AFAP1: variants seen among roughly 807,000 people sequenced by gnomAD.
AFAP1 encodes actin filament associated protein 1.
In AFAP1, 75 loss-of-function variants were observed where a neutral mutation model predicts 93.9. The ratio of observed to expected loss-of-function variants is 0.80; its 90% CI spans 0.66 to 0.97. The LOEUF is 0.97. AFAP1 is among the 50% of genes least tolerant of loss of function. The pLI, the probability that AFAP1 is intolerant of heterozygous loss-of-function variation, is 0.00. For missense variants in AFAP1, 1,201 were observed against 1,050.8 expected, an observed-to-expected ratio of 1.14 and a Z score of -1.98; for synonymous variants, 517 against 430.7, an observed-to-expected ratio of 1.20 and a Z score of -2.48.
intron 16 of AFAP1, among the ~76,000 whole-genome samples, chr4:7,770,158 A>G (rs1715218469): frequency 6.6e-6 from 1 of 152,218 alleles, no homozygotes; most frequent in Admixed American, 6.5e-5. Flanking sequence ...AGCACAGTGG[A>G]CTGGGAGCGG....
intron 1 of AFAP1, among the ~76,000 whole-genome samples, chr4:7,884,405 A>G (rs1401986661): frequency 6.6e-6 from 1 of 152,240 alleles, no homozygotes; most frequent in Non-Finnish European, 1.5e-5. Context: ...TATGGAAAAA[A>G]TAAGAATGCA....
chr4:7,769,466 G>A (rs188022386), intron 16 of AFAP1, among the ~76,000 whole-genome samples: 34 of 152,372 alleles, frequency 2.2e-4, no homozygotes, highest in Middle Eastern at 3.4e-3. Flanking sequence ...GCCCCACTGC[G>A]CGGGGCTCGC....
chr4:7,800,055 G>T (rs941843002), intron 10 of AFAP1, among the ~76,000 whole-genome samples: 1 of 152,180 alleles, frequency 6.6e-6, no homozygotes, highest in East Asian at 1.9e-4. Flanking sequence ...AGCTCCTGGG[G>T]GAAAGAGCTT....
chr4:7,815,159 G>A (rs1270639981), intron 8 of AFAP1, among the ~76,000 whole-genome samples: 1 of 152,168 alleles, frequency 6.6e-6, no homozygotes, highest in Non-Finnish European at 1.5e-5. Context: ...ACTCACAGAA[G>A]GACACGGCCT....
intron 1 of AFAP1, among the ~76,000 whole-genome samples, chr4:7,938,750 C>T (rs2149250740): frequency 6.6e-6 from 1 of 152,172 alleles, no homozygotes; most frequent in African/African-American, 2.4e-5. Context: ...TTTTTCTTCC[C>T]ATTACTAACG....
chr4:7,769,390 C>A (rs1076065), intron 16 of AFAP1, among the ~76,000 whole-genome samples: 1 of 152,234 alleles, frequency 6.6e-6, no homozygotes, highest in Non-Finnish European at 1.5e-5. Context: ...CTGGGGTCAG[C>A]GCCCTAGAGA....
intron 11 of AFAP1, among the ~76,000 whole-genome samples, chr4:7,791,642 A>T (rs1405576612): frequency 6.6e-6 from 1 of 151,862 alleles, no homozygotes; most frequent in Non-Finnish European, 1.5e-5. Flanking sequence ...CCAGGAGTCC[A>T]GGAGTTTGAG....
intron 1 of AFAP1, among the ~76,000 whole-genome samples, chr4:7,917,898 C>A (rs923847295): frequency 2.6e-5 from 4 of 152,162 alleles, no homozygotes; most frequent in Non-Finnish European, 5.9e-5. Flanking sequence ...CACTCAGCAC[C>A]GCAAAGAGAC....
At chr4:7,833,810 G>A (rs549666236) in intron 6 of AFAP1, among the ~76,000 whole-genome samples, 1 of 151,814 alleles carries the variant, frequency 6.6e-6, no homozygotes, top group Non-Finnish European at 1.5e-5. Context: ...GGATAGTCCC[G>A]ATCTCCTGAC....
chr4:7,831,570 G>A (rs2149093959), intron 6 of AFAP1, among the ~76,000 whole-genome samples: 1 of 152,286 alleles, frequency 6.6e-6, no homozygotes, highest in Middle Eastern at 3.4e-3. Context: ...TTACTGGTCT[G>A]TTTGTCAGCG....
chr4:7,893,819 G>C (rs1400708051), intron 1 of AFAP1, among the ~76,000 whole-genome samples: 2 of 152,124 alleles, frequency 1.3e-5, no homozygotes, highest in South Asian at 4.2e-4. Flanking sequence ...ACTTTGAGAA[G>C]CCAGGCCCTA....
At chr4:7,814,968 A>C (rs1248977437) in intron 8 of AFAP1, among the ~76,000 whole-genome samples, 1 of 152,270 alleles carries the variant, frequency 6.6e-6, no homozygotes, top group Non-Finnish European at 1.5e-5. Flanking sequence ...TGCTCACGGC[A>C]GCATCTTTCA....
intron 1 of AFAP1, among the ~76,000 whole-genome samples, chr4:7,889,371 AC>A (rs1718310066): frequency 6.6e-6 from 1 of 151,466 alleles, no homozygotes; most frequent in Non-Finnish European, 1.5e-5. Context: ...ACATGGTGAA[AC>A]CCCATCTCTA....
chr4:7,841,581 C>G (rs920367195), intron 5 of AFAP1, among the ~76,000 whole-genome samples: 2 of 152,310 alleles, frequency 1.3e-5, no homozygotes, highest in African/African-American at 4.8e-5. Context: ...ATGGCTTTTC[C>G]TTTTCTGTGC....
intron 1 of AFAP1, among the ~76,000 whole-genome samples, chr4:7,924,201 T>C (rs1720592568): frequency 6.6e-6 from 1 of 152,238 alleles, no homozygotes; most frequent in Admixed American, 6.5e-5. Flanking sequence ...AACGTTTCCC[T>C]GTAGTTCCGT....
Position 7,772,924 on chromosome 4 carries a change from C to A in AFAP1, c.2149G>T (p.Glu717Ter). Residue 717 changes from glutamate (E) to a stop codon, truncating the protein, a stop_gained, in exon 16 of 18, where the codon GAG (glutamate) becomes TAG (stop). Coordinates refer to ENST00000420658, the MANE Select transcript of AFAP1 (RefSeq NM_001134647.2). LOFTEE classifies it high-confidence loss of function. ...TCCTTGACCTCCGTCAGCTCCAGCTCCAGGCTGACACGCTCCGCCTCCTTC... is the reference window on the plus strand; with the variant it reads ...TCCTTGACCTCCGTCAGCTCCAGCTACAGGCTGACACGCTCCGCCTCCTTC... ...RQKEAERVSL[E>*]LELTEVKESL... 6.2e-7 allele frequency: 1 copy of A among 1,614,114 alleles called. No homozygotes were observed. Among genetic ancestry groups the A allele is most frequent in the Non-Finnish European group, 8.5e-7 (1 of 1,180,044 alleles).
intron 14 of AFAP1, chr4:7,777,969 C>G (rs1193814398): frequency 6.6e-6 from 1 of 152,348 alleles, no homozygotes; most frequent in African/African-American, 2.4e-5. Flanking sequence ...GATGACATAT[C>G]GCCCTAGCTG....
At chr4:7,898,354 G>C (rs1041634344) in intron 1 of AFAP1, among the ~76,000 whole-genome samples, 3 of 151,972 alleles carry the variant, frequency 2.0e-5, no homozygotes, top group Admixed American at 6.6e-5. Flanking sequence ...GTTGCAGTGA[G>C]CCAAAATCAT....
intron 1 of AFAP1, among the ~76,000 whole-genome samples, chr4:7,924,592 T>C (rs879290444): frequency 3.3e-5 from 5 of 152,266 alleles, no homozygotes; most frequent in Non-Finnish European, 5.9e-5. Context: ...ATCTAAAAAA[T>C]TCCCAGTGTA....
Sources: allele counts gnomAD v4.1 joint callset (sites outside exome capture counted in the v4.1 genomes callset), GRCh38; gene constraint gnomAD v4.1.1; transcripts MANE v1.5; gene names NCBI Gene and HGNC (gene_info 2026-07-23, HGNC 2026-07-21).